The following RBFOX1 variants were observed in gnomAD, a reference collection of about 807,000 sequenced individuals.
The protein encoded by RBFOX1 is RNA binding protein fox-1 homolog 1.
RBFOX1 carries 8 observed loss-of-function variants against 57.7 expected under a neutral mutation model. The ratio of observed to expected loss-of-function variants is 0.14; its 90% CI spans 0.08 to 0.25. RBFOX1 has a LOEUF of 0.25. Ranked by LOEUF, RBFOX1 falls within the 10% of genes least tolerant of loss-of-function variation. The pLI, the probability that RBFOX1 is intolerant of heterozygous loss-of-function variation, is 1.00. For missense variants in RBFOX1, 611 were observed against 548.5 expected, an observed-to-expected ratio of 1.11 and a Z score of -1.14; for synonymous variants, 326 against 222.4, an observed-to-expected ratio of 1.47 and a Z score of -4.15.
At chr16:5,462,207 C>T (rs1239301083) in intron 1 of RBFOX1, among the ~76,000 whole-genome samples, 2 of 144,348 alleles carry the variant, frequency 1.4e-5, no homozygotes, top group Non-Finnish European at 3.0e-5. Flanking sequence ...CTCGCTCTGT[C>T]ACCCAGGCTG....
chr16:7,144,660 A>T (rs2074568632), intron 4 of RBFOX1, among the ~76,000 whole-genome samples: 1 of 151,956 alleles, frequency 6.6e-6, no homozygotes, highest in African/African-American at 2.4e-5. Context: ...TCCTGCCAGC[A>T]TTCATTAAAT....
chr16:6,563,704 G>C (rs2097215370), intron 2 of RBFOX1, among the ~76,000 whole-genome samples: 2 of 152,056 alleles, frequency 1.3e-5, no homozygotes, highest in Non-Finnish European at 2.9e-5. Context: ...AAGTAGCCAA[G>C]CATGGTGGCA....
intron 2 of RBFOX1, among the ~76,000 whole-genome samples, chr16:6,574,590 A>G (rs2097398031): frequency 1.3e-5 from 2 of 149,744 alleles, no homozygotes; most frequent in Admixed American, 6.6e-5. Context: ...CACCAAGCCC[A>G]GCTAATTTTT....
intron 3 of RBFOX1, among the ~76,000 whole-genome samples, chr16:6,980,807 C>A (rs562615277): frequency 6.6e-6 from 1 of 152,022 alleles, no homozygotes; most frequent in Non-Finnish European, 1.5e-5. Context: ...CTTTGGGAGG[C>A]CAAGGCAGGC....
intron 3 of RBFOX1, among the ~76,000 whole-genome samples, chr16:5,757,250 G>A (rs1165793446): frequency 1.3e-5 from 1 of 74,930 alleles, no homozygotes; most frequent in Non-Finnish European, 3.0e-5. Context: ...TTTTTTTTTT[G>A]GAGATGGAGT....
At chr16:6,066,760 T>A (rs2095769121) in intron 1 of RBFOX1, among the ~76,000 whole-genome samples, 1 of 152,096 alleles carries the variant, frequency 6.6e-6, no homozygotes, top group Non-Finnish European at 1.5e-5. Flanking sequence ...GGGTACGATG[T>A]CAAGGATGCA....
intron 3 of RBFOX1, among the ~76,000 whole-genome samples, chr16:5,839,526 C>T (rs535236865): frequency 2.8e-4 from 43 of 152,168 alleles, no homozygotes; most frequent in Non-Finnish European, 5.3e-4. Context: ...GCTACATTAA[C>T]CTGAAGTGCT....
intron 3 of RBFOX1, among the ~76,000 whole-genome samples, chr16:5,625,065 G>A (rs576614701): frequency 3.3e-5 from 5 of 152,302 alleles, no homozygotes; most frequent in East Asian, 1.9e-4. Context: ...TTTAAAATGG[G>A]ATTCAGGGAC....
chr16:7,084,872 CATCT>C (rs758558666), intron 4 of RBFOX1, among the ~76,000 whole-genome samples: 3 of 148,786 alleles, frequency 2.0e-5, no homozygotes, highest in Admixed American at 6.7e-5. Context: ...TCTATCTATC[CATCT>C]ATCTATCTTC....
At chr16:7,122,885 G>T in intron 4 of RBFOX1, among the ~76,000 whole-genome samples, 1 of 152,124 alleles carries the variant, frequency 6.6e-6, no homozygotes, top group East Asian at 1.9e-4. Flanking sequence ...AGCAACTATT[G>T]ATATATGTGA....
intron 2 of RBFOX1, among the ~76,000 whole-genome samples, chr16:5,469,066 G>A (rs1185714374): frequency 1.3e-5 from 2 of 152,212 alleles, no homozygotes; most frequent in East Asian, 1.9e-4. Flanking sequence ...GATCTGACCA[G>A]TAGAGGTTTT....
At chr16:7,421,561 C>T (rs1568800221) in intron 4 of RBFOX1, among the ~76,000 whole-genome samples, 2 of 152,182 alleles carry the variant, frequency 1.3e-5, no homozygotes, top group African/African-American at 2.4e-5. Context: ...CTGCTCTGAG[C>T]GTACCTAACC....
chr16:7,166,000 G>A (rs2079434683), intron 4 of RBFOX1, among the ~76,000 whole-genome samples: 1 of 150,006 alleles, frequency 6.7e-6, no homozygotes, highest in Non-Finnish European at 1.5e-5. Context: ...CTTTGAAGGA[G>A]TGCATAGTCT....
intron 2 of RBFOX1, among the ~76,000 whole-genome samples, chr16:6,407,458 A>G (rs2093321521): frequency 6.6e-6 from 1 of 151,740 alleles, no homozygotes; most frequent in Non-Finnish European, 1.5e-5. Context: ...ATGTATATCT[A>G]TGTCTGTATT....
At chr16:6,731,364 C>T (rs28574859) in intron 3 of RBFOX1, among the ~76,000 whole-genome samples, 94,151 of 151,966 alleles carry the variant, frequency 0.62, 32,789 homozygotes, top group Non-Finnish European at 0.8. Flanking sequence ...GTCTAGGGCA[C>T]GACTATACTT....
intron 1 of RBFOX1, among the ~76,000 whole-genome samples, chr16:5,382,980 C>A (rs1182097008): frequency 6.6e-6 from 1 of 152,190 alleles, no homozygotes; most frequent in Non-Finnish European, 1.5e-5. Context: ...TTGCTGGGTT[C>A]AATTTAGCCA....
chr16:6,444,575 G>A (rs901810105), intron 2 of RBFOX1, among the ~76,000 whole-genome samples: 1 of 151,962 alleles, frequency 6.6e-6, no homozygotes, highest in Non-Finnish European at 1.5e-5. Context: ...ATTCCTCTTT[G>A]CCTTCTGCCA....
At chr16:7,673,844 G>A (rs984792951) in intron 13 of RBFOX1, among the ~76,000 whole-genome samples, 9 of 152,172 alleles carry the variant, frequency 5.9e-5, no homozygotes, top group Non-Finnish European at 1.2e-4. Flanking sequence ...TTGGTTTGGT[G>A]GTGGGAAAAA....
At chr16:7,313,098 C>A (rs139316197) in intron 4 of RBFOX1, among the ~76,000 whole-genome samples, 9 of 152,200 alleles carry the variant, frequency 5.9e-5, no homozygotes, top group Admixed American at 2.0e-4. Flanking sequence ...ACTCGTACTT[C>A]CACATCACTC....
Sources: gnomAD v4.1 joint callset for allele counts (sites outside exome capture counted in the v4.1 genomes callset) on GRCh38, gnomAD v4.1.1 for gene constraint, MANE v1.5 for transcripts, NCBI Gene and HGNC (gene_info 2026-07-23, HGNC 2026-07-21) for gene names.